DPY19L1: variants seen among roughly 807,000 people sequenced by gnomAD.
DPY19L1 encodes protein C-mannosyl-transferase DPY19L1.
DPY19L1 carries 35 observed loss-of-function variants against 96.9 expected under a neutral mutation model. The ratio of observed to expected loss-of-function variants is 0.36; its 90% CI spans 0.28 to 0.48. The LOEUF (loss-of-function observed/expected upper bound fraction) is 0.48. Among genes scored for constraint, DPY19L1 ranks in the 20% least tolerant of loss-of-function variants. The pLI, the probability that DPY19L1 is intolerant of heterozygous loss-of-function variation, is 0.99. For missense variants in DPY19L1, 521 were observed against 777.9 expected (o/e 0.67, Z 3.93); for synonymous variants, 205 against 252.6 (o/e 0.81, Z 1.79).
chr7:34,971,419 A>C (rs1280951497), intron 8 of DPY19L1, among the ~76,000 whole-genome samples: 2 of 152,172 alleles, frequency 1.3e-5, no homozygotes, highest in Non-Finnish European at 2.9e-5. Flanking sequence ...GAGCCATGAC[A>C]ACTAAGGGGC....
At chr7:34,999,585 TA>T (rs1785374825) in intron 6 of DPY19L1, among the ~76,000 whole-genome samples, 1 of 152,036 alleles carries the variant, frequency 6.6e-6, no homozygotes, top group South Asian at 2.1e-4. Context: ...AGGGAATCGC[TA>T]AACGGAAGCC....
chr7:35,016,217 C>T (rs1280240956), intron 3 of DPY19L1, among the ~76,000 whole-genome samples: 1 of 151,862 alleles, frequency 6.6e-6, no homozygotes, highest in African/African-American at 2.4e-5. Context: ...TCTTGTAGTA[C>T]CTGAAAGTAA....
chr7:34,995,918 G>C (rs911811258), intron 6 of DPY19L1, among the ~76,000 whole-genome samples: 2 of 75,842 alleles, frequency 2.6e-5, no homozygotes, highest in African/African-American at 4.2e-5. Flanking sequence ...GGCGGCGGTG[G>C]GGGGGGCGGT....
chr7:34,989,939 C>A lies in DPY19L1; in HGVS notation c.767G>T (p.Gly256Val). ...TGTAACCAGGCCTCCTAATCGGCTG[C>A]CACTGGAAAAGAAGAAAACATAACT... ...LFFIYGTYLS[G>V]SRLGGLVTVL... The change falls in exon 7 of 22, where the codon GGC (glycine) becomes GTC (valine). Residue 256 changes from glycine to valine, a missense_variant and splice_region_variant. Coordinates refer to ENST00000638088, the MANE Select transcript of DPY19L1 (RefSeq NM_001366673.1). The A allele has an allele frequency of 1.2e-6, 2 of 1,607,380 alleles. No individual in the cohort carries two copies. Among genetic ancestry groups the A allele is most frequent in the Non-Finnish European group, 1.7e-6 (2 of 1,177,862 alleles).
At chr7:34,934,065 G>A (rs1418930235) in intron 21 of DPY19L1, among the ~76,000 whole-genome samples, 3 of 152,028 alleles carry the variant, frequency 2.0e-5, no homozygotes, top group African/African-American at 7.3e-5. Context: ...CCAGGTTCAC[G>A]TCATTCTCCT....
intron 18 of DPY19L1, among the ~76,000 whole-genome samples, 193 bp downstream of exon 18, chr7:34,941,572 A>G (rs4000108): frequency 6.6e-6 from 1 of 152,058 alleles, no homozygotes; most frequent in Admixed American, 6.6e-5. Flanking sequence ...TTGTACACCA[A>G]CAACTATTTT....
chr7:35,018,269 CTAAT>C (rs1354582502), intron 2 of DPY19L1, among the ~76,000 whole-genome samples: 4 of 152,090 alleles, frequency 2.6e-5, no homozygotes, highest in African/African-American at 9.7e-5. Context: ...TTAGAAACAT[CTAAT>C]GAAATTCATA....
chr7:34,939,078 GTC>G (rs1410678887), intron 20 of DPY19L1, 196 bp downstream of exon 20: 3 of 466,914 alleles, frequency 6.4e-6, no homozygotes, highest in Non-Finnish European at 1.1e-5. Context: ...CCCCAAAGTT[GTC>G]ACTTTCCTGC....
intron 1 of DPY19L1, among the ~76,000 whole-genome samples, chr7:35,019,489 G>C (rs1254744393): frequency 6.6e-6 from 1 of 151,746 alleles, no homozygotes; most frequent in Non-Finnish European, 1.5e-5. Context: ...GAAGAAGTAG[G>C]AGGAAGAAGA....
At chr7:35,037,786 G>A (rs1786481317), upstream of DPY19L1, 8 of 1,197,004 alleles carry the variant, frequency 6.7e-6, no homozygotes, top group Non-Finnish European at 8.3e-6. Flanking sequence ...CGCAGGCGGG[G>A]CCCGACCCCT....
At chr7:35,013,784 T>G in intron 3 of DPY19L1, 79 bp from the exon 4 acceptor site, 1 of 1,187,780 alleles carries the variant, frequency 8.4e-7, no homozygotes, top group Non-Finnish European at 1.2e-6. Context: ...ACACTGTTTT[T>G]GAAAAACAAA....
intron 10 of DPY19L1, among the ~76,000 whole-genome samples, chr7:34,963,088 G>A (rs538790246): frequency 3.3e-5 from 5 of 150,918 alleles, no homozygotes; most frequent in Non-Finnish European, 7.4e-5. Context: ...CCAGCTGCTC[G>A]GAAGGCTGAG....
chr7:34,959,107 GA>G (rs1244865406), intron 10 of DPY19L1, among the ~76,000 whole-genome samples: 3 of 151,532 alleles, frequency 2.0e-5, no homozygotes, highest in African/African-American at 4.8e-5. Flanking sequence ...ACAAACATAT[GA>G]AAAAAAAGCT....
chr7:34,936,017 G>C (rs1783860855), intron 21 of DPY19L1, among the ~76,000 whole-genome samples: 1 of 152,064 alleles, frequency 6.6e-6, no homozygotes. Context: ...ACAGATGAGA[G>C]AGTCACTTTC....
At chr7:35,034,060 A>G (rs751531749) in intron 1 of DPY19L1, among the ~76,000 whole-genome samples, 4 of 152,144 alleles carry the variant, frequency 2.6e-5, no homozygotes, top group Non-Finnish European at 4.4e-5. Context: ...TACCCTTGCC[A>G]TTGACCACAG....
At chr7:35,020,901 G>C (rs1292066641) in intron 1 of DPY19L1, among the ~76,000 whole-genome samples, 2 of 152,004 alleles carry the variant, frequency 1.3e-5, no homozygotes, top group African/African-American at 4.8e-5. Flanking sequence ...GAGAGATAAG[G>C]TTTGGTCATG....
intron 9 of DPY19L1, among the ~76,000 whole-genome samples, chr7:34,967,446 A>G (rs1784635028): frequency 1.3e-5 from 2 of 152,184 alleles, no homozygotes; most frequent in African/African-American, 4.8e-5. Context: ...ATGTTCTTTC[A>G]TTAATACAAA....
chr7:34,953,290 C>T (rs1439050394), intron 13 of DPY19L1, among the ~76,000 whole-genome samples: 1 of 152,164 alleles, frequency 6.6e-6, no homozygotes, highest in African/African-American at 2.4e-5. Flanking sequence ...TTGCAAATAA[C>T]ATAGTTTATA....
intron 6 of DPY19L1, among the ~76,000 whole-genome samples, chr7:35,001,764 C>A (rs1012743022): frequency 5.3e-5 from 8 of 152,058 alleles, no homozygotes; most frequent in African/African-American, 1.9e-4. Context: ...TTAATCATGA[C>A]AGCCTAAGTT....
Sources: allele counts gnomAD v4.1 joint callset (sites outside exome capture counted in the v4.1 genomes callset), GRCh38; gene constraint gnomAD v4.1.1; transcripts MANE v1.5; gene names NCBI Gene and HGNC (gene_info 2026-07-23, HGNC 2026-07-21).